Variants in TGM3 observed in about 807,000 individuals in gnomAD.
TGM3 encodes transglutaminase 3.
Under a neutral mutation model 73.8 loss-of-function variants are expected in TGM3, and 52 were observed. The ratio of observed to expected loss-of-function variants is 0.70; its 90% CI spans 0.56 to 0.89. The LOEUF is 0.89. Ranked by LOEUF, TGM3 falls within the 40% of genes least tolerant of loss-of-function variation. The pLI, the probability that TGM3 is intolerant of heterozygous loss-of-function variation, is 0.00. For missense variants in TGM3, 928 were observed against 909.9 expected (o/e 1.02, Z -0.26); for synonymous variants, 372 against 354.9 (o/e 1.05, Z -0.54).
intron 1 of TGM3, among the ~76,000 whole-genome samples, chr20:2,299,830 G>A (rs532093130): frequency 5.1e-4 from 77 of 152,322 alleles, no homozygotes; most frequent in Admixed American, 4.9e-3. Flanking sequence ...GGGTGCAATG[G>A]CTCACGCCTG....
intron 5 of TGM3, among the ~76,000 whole-genome samples, chr20:2,315,055 G>C (rs1253943486): frequency 6.6e-6 from 1 of 152,166 alleles, no homozygotes; most frequent in Non-Finnish European, 1.5e-5. Context: ...GAGGAAGTGA[G>C]CCTGGAACAG....
At chr20:2,305,729 T>A (rs903210012) in intron 1 of TGM3, among the ~76,000 whole-genome samples, 3 of 152,108 alleles carry the variant, frequency 2.0e-5, no homozygotes, top group Non-Finnish European at 4.4e-5. Context: ...AGATGATGAG[T>A]GCAAATGCGA....
Position 2,328,137 on chromosome 20 carries a change from C to T in TGM3, c.1105C>T (p.Pro369Ser), listed in dbSNP as rs200984083. Residue 369 changes from proline to serine, a missense_variant, in exon 9 of 13, where the codon CCC becomes TCC. Transcript: ENST00000381458. This position sits in a 1 kb window ranked among gnomAD's most constrained non-coding sequence, Gnocchi z 5.2. Reference protein sequence around the residue: ...ERSQGVFQCGPASVIGVREGD... With the variant: ...ERSQGVFQCGSASVIGVREGD... ...GCCTCCAGGGGTGTTCCAGTGCGGC[C>T]CCGCTTCGGTCATTGGTGTTCGAGA... The T allele has an allele frequency of 3.7e-6, 6 of 1,614,108 alleles. No individual in the cohort carries two copies. The highest frequency in any genetic ancestry group is 4.2e-6 in the Non-Finnish European group (5 of 1,180,026).
chr20:2,311,097 C>T lies in TGM3; in HGVS notation c.508C>T (p.Arg170Ter), dbSNP rs775708979. The change falls in exon 4 of 13, where the codon CGA becomes TGA. Residue 170 changes from arginine (R) to a stop codon, truncating the protein, a stop_gained. Coordinates refer to ENST00000381458, the MANE Select transcript of TGM3 (RefSeq NM_003245.4). LOFTEE classifies it high-confidence loss of function. The part of the protein sequence containing the change: ...AGIIFVGSTN[R>*]IGMIGWNFGQ... The stretch of plus-strand genomic sequence containing the variant: ...CATCATCTTTGTGGGAAGCACAAAC[C>T]GAATTGGCATGATTGGCTGGAACTT... 26 of 1,613,930 alleles carry T rather than the reference C, an allele frequency of 1.6e-5. No homozygotes were observed. The highest frequency in any genetic ancestry group is 2.0e-5 in the Non-Finnish European group (24 of 1,179,982).
rs1394164637 is a variant in TGM3 at position 2,328,490 on chromosome 20, G to C, written c.1333+125G>C. On this transcript the variant is annotated intron_variant, in intron 9 of 12. Coordinates refer to ENST00000381458, the MANE Select transcript of TGM3 (RefSeq NM_003245.4). This position sits in a 1 kb window ranked among gnomAD's most constrained non-coding sequence, Gnocchi z 5.2. Reference sequence around the variant, plus strand: ...GCAGCCAGTTCTGCCTGAATGATAGGATTGCTCCCTAGCACCTAACATCCA... The same window carrying C: ...GCAGCCAGTTCTGCCTGAATGATAGCATTGCTCCCTAGCACCTAACATCCA... 1.5e-6 allele frequency: 2 copies of C among 1,345,458 alleles called. No homozygotes were observed. The highest frequency in any genetic ancestry group is 2.9e-5 in the African/African-American group (2 of 69,476). The allele number at this position is 1,345,458 out of a possible 1,614,324, so 83.3% of individuals were successfully genotyped here.
At chr20:2,302,615 G>T (rs1266991644) in intron 1 of TGM3, among the ~76,000 whole-genome samples, 1 of 149,852 alleles carries the variant, frequency 6.7e-6, no homozygotes, top group African/African-American at 2.4e-5. Context: ...TCCGCTAGAG[G>T]CTTGTCCCTG....
chr20:2,339,915 T>G lies in TGM3; in HGVS notation c.1862T>G (p.Leu621Arg), dbSNP rs767616237. 1 of 1,612,800 alleles carries G rather than the reference T, an allele frequency of 6.2e-7. No homozygotes were observed. The highest frequency in any genetic ancestry group is 8.5e-7 in the Non-Finnish European group (1 of 1,179,800). Residue 621 changes from leucine (L) to arginine (R), a missense_variant, in exon 12 of 13, where the codon CTG (leucine) becomes CGG (arginine). Leu to Arg is a moderately radical substitution (Grantham distance 102). Transcript: ENST00000381458. Reference protein sequence around the residue: ...VNVQMLFSNPLDEPVRDCVLM... With the variant: ...VNVQMLFSNPRDEPVRDCVLM... ...GTGCAGATGCTCTTCTCCAATCCAC[T>G]GGATGAGCCGGTGAGGGACTGCGTG...
chr20:2,303,318 A>AG (rs935725164), intron 1 of TGM3, among the ~76,000 whole-genome samples: 1 of 152,016 alleles, frequency 6.6e-6, no homozygotes. Flanking sequence ...AAGAAAAGAA[A>AG]AAAAAGAAAA....
intron 1 of TGM3, 71 bp from the exon 2 acceptor site, chr20:2,309,586 A>G (rs2084191867): frequency 6.5e-7 from 1 of 1,530,248 alleles, no homozygotes; most frequent in African/African-American, 1.4e-5. Flanking sequence ...GCTCTTTGGT[A>G]ACTTACACCC....
At chr20:2,310,072 C>A in intron 2 of TGM3, 106 bp from the exon 3 acceptor site, 4 of 1,508,778 alleles carry the variant, frequency 2.7e-6, no homozygotes, top group Non-Finnish European at 9.0e-7. Flanking sequence ...TAGAATATGG[C>A]GCTTCATTGG....
At position 2,339,958 on chromosome 20, in the gene TGM3, C is replaced by G; in HGVS notation, c.1905C>G (p.Ser635Arg). 1 of 1,397,690 alleles carries G rather than the reference C, an allele frequency of 7.2e-7. No individual in the cohort carries two copies. Among genetic ancestry groups the G allele is most frequent in the South Asian group, 1.1e-5 (1 of 87,996 alleles). 86.6% of individuals were successfully genotyped at this position (1,397,690 alleles called of 1,614,324 possible). A position where few individuals can be genotyped will look rare whatever the true frequency, so the allele number is the denominator to read the frequency against. ...ACTGCGTGCTGATGGTGGAGGGAAG[C>G]GGCCTGCTGTTGGGTAACCTGAAGA... ...VRDCVLMVEG[S>R]GLLLGNLKID... The change falls in exon 12 of 13, where the codon AGC becomes AGG. Residue 635 changes from serine to arginine, a missense_variant. Ser to Arg is a moderately radical substitution (Grantham distance 110). Transcript: ENST00000381458.
intron 1 of TGM3, among the ~76,000 whole-genome samples, chr20:2,301,481 T>C (rs1289622936): frequency 6.8e-6 from 1 of 148,030 alleles, no homozygotes; most frequent in Non-Finnish European, 1.5e-5. Context: ...CCAGTTGCCA[T>C]CCATTAGCAG....
At chr20:2,314,033 G>A (rs779779232) in intron 5 of TGM3, among the ~76,000 whole-genome samples, 2 of 152,102 alleles carry the variant, frequency 1.3e-5, no homozygotes, top group Non-Finnish European at 2.9e-5. Flanking sequence ...AGCAGGGCAT[G>A]GTAGCATGTG....
intron 11 of TGM3, 144 bp from the exon 12 acceptor site, chr20:2,339,710 C>T (rs2084369742): frequency 3.7e-6 from 4 of 1,067,136 alleles, no homozygotes; most frequent in Non-Finnish European, 4.1e-6. Flanking sequence ...ATGTGCCTGG[C>T]ACCTAGGAGG....
intron 4 of TGM3, 136 bp from the exon 5 acceptor site, chr20:2,312,762 C>CA (rs2084213736): frequency 7.9e-7 from 1 of 1,259,146 alleles, no homozygotes; most frequent in Admixed American, 1.9e-5. Context: ...TGGCTGTCCT[C>CA]AGTAGCTCTC....
chr20:2,340,201 G>A (rs1276287115), intron 12 of TGM3, among the ~76,000 whole-genome samples: 1 of 152,198 alleles, frequency 6.6e-6, no homozygotes, highest in African/African-American at 2.4e-5. Flanking sequence ...CTAAGAGCTG[G>A]CCTTCAGGGC....
At chr20:2,320,138 G>A (rs2084255209) in intron 7 of TGM3, among the ~76,000 whole-genome samples, 1 of 152,194 alleles carries the variant, frequency 6.6e-6, no homozygotes, top group Non-Finnish European at 1.5e-5. Context: ...AGGGCAACCG[G>A]AGTTTGGACA....
rs1444173888 is a variant in TGM3, at chr20:2,334,614, A to C, written c.1643-502A>C. 6.6e-6 allele frequency among the ~76,000 whole-genome samples: 1 copy of C among 152,196 alleles called. No individual in the cohort carries two copies. The highest frequency in any genetic ancestry group is 2.1e-4 in the South Asian group (1 of 4,822). The stretch of plus-strand genomic sequence containing the variant: ...TGTCATGATTGCTACTGTTGTTGGC[A>C]ATCAGGTGGCATTTGTATTCTTCCA... On this transcript the variant is annotated intron_variant, in intron 10 of 12. Transcript: ENST00000381458. This position sits in a 1 kb window ranked among gnomAD's most constrained non-coding sequence, Gnocchi z 4.0.
At chr20:2,323,722 G>C (rs572012337) in intron 7 of TGM3, among the ~76,000 whole-genome samples, 2 of 152,308 alleles carry the variant, frequency 1.3e-5, no homozygotes, top group South Asian at 4.1e-4. Context: ...ACCACAACGA[G>C]TATCACCGTA....
Sources: gnomAD v4.1 joint callset for allele counts (sites outside exome capture counted in the v4.1 genomes callset) on GRCh38, gnomAD v4.1.1 for gene constraint, Gnocchi (gnomAD v3.1) non-coding constraint, MANE v1.5 for transcripts, NCBI Gene and HGNC (gene_info 2026-07-23, HGNC 2026-07-21) for gene names.